The following PPP3CA variants were observed in gnomAD, a reference collection of about 807,000 sequenced individuals.
PPP3CA encodes protein phosphatase 3 catalytic subunit alpha, also known as CAM-PRP catalytic subunit.
PPP3CA carries 14 observed loss-of-function variants against 66.5 expected under a neutral mutation model. The observed-to-expected ratio is 0.21, with a 90% CI of 0.14 to 0.33. PPP3CA has a LOEUF of 0.33. Among genes scored for constraint, PPP3CA ranks in the 10% least tolerant of loss-of-function variants. PPP3CA has a pLI of 1.00. For synonymous variants in PPP3CA, 232 were observed against 226.2 expected (o/e 1.03, Z -0.23); for missense variants, 317 against 639.5 (o/e 0.50, Z 5.44).
intron 1 of PPP3CA, among the ~76,000 whole-genome samples, chr4:101,325,134 G>A (rs1729171656): frequency 6.6e-6 from 1 of 152,180 alleles, no homozygotes; most frequent in South Asian, 2.1e-4. Flanking sequence ...ATTGTTCAGG[G>A]ACAGTGCTGG....
rs374198372 is a variant in PPP3CA at position 101,040,580 on chromosome 4, C to T, written c.1157-14G>A. 3.1e-6 allele frequency: 5 copies of T among 1,602,774 alleles called. No individual in the cohort carries two copies. The African/African-American group carries it at 5.4e-5, about 17-fold the overall frequency. ...CAGCTGTTGCACCTGTATTTTCAAA[C>T]AGAGTTCAGTGGTCAGTAATTTTTT... On this transcript the variant is annotated splice_polypyrimidine_tract_variant and intron_variant, in intron 10 of 13. Transcript: ENST00000394854.
chr4:101,032,898 T>A (rs531739071), intron 11 of PPP3CA, among the ~76,000 whole-genome samples: 2 of 152,222 alleles, frequency 1.3e-5, no homozygotes, highest in East Asian at 1.9e-4. Flanking sequence ...AGATGTTACA[T>A]GAAAAACACA....
intron 2 of PPP3CA, among the ~76,000 whole-genome samples, chr4:101,183,810 CT>C (rs1323700010): frequency 2.6e-5 from 4 of 152,062 alleles, no homozygotes; most frequent in Admixed American, 6.6e-5. Flanking sequence ...TATTGCACTG[CT>C]TTGCTTTTCC....
chr4:101,102,893 G>A (rs998618114), intron 3 of PPP3CA, among the ~76,000 whole-genome samples: 47 of 152,236 alleles, frequency 3.1e-4, no homozygotes, highest in Admixed American at 4.6e-4. Flanking sequence ...AATGAGGTGC[G>A]CTAATCACTT....
chr4:101,289,037 C>A (rs75857936), intron 1 of PPP3CA, among the ~76,000 whole-genome samples: 1 of 149,668 alleles, frequency 6.7e-6, no homozygotes, highest in East Asian at 1.9e-4. Flanking sequence ...TCTTACTTAC[C>A]GGTTTCAATT....
intron 1 of PPP3CA, among the ~76,000 whole-genome samples, chr4:101,232,121 C>T (rs1725981374): frequency 1.3e-5 from 2 of 151,688 alleles, no homozygotes; most frequent in African/African-American, 2.4e-5. Flanking sequence ...TTTAAAATAA[C>T]ATCAGCCTTT....
chr4:101,235,431 TCACACACACA>T (rs57851713), intron 1 of PPP3CA, among the ~76,000 whole-genome samples: 1 of 148,266 alleles, frequency 6.7e-6, no homozygotes, highest in East Asian at 2.0e-4. Flanking sequence ...AAACATACAC[TCACACACACA>T]CACACACACA....
chr4:101,181,713 C>T (rs1177263302), intron 2 of PPP3CA, among the ~76,000 whole-genome samples: 1 of 152,014 alleles, frequency 6.6e-6, no homozygotes, highest in African/African-American at 2.4e-5. Context: ...AAGTATCTTA[C>T]AATTCTATGA....
At chr4:101,260,496 T>C (rs1450718891) in intron 1 of PPP3CA, among the ~76,000 whole-genome samples, 2 of 152,156 alleles carry the variant, frequency 1.3e-5, no homozygotes, top group Non-Finnish European at 2.9e-5. Context: ...CTAGTCCATA[T>C]GGAAATACCC....
At chr4:101,221,441 G>A (rs1325373547) in intron 1 of PPP3CA, among the ~76,000 whole-genome samples, 2 of 114,236 alleles carry the variant, frequency 1.8e-5, no homozygotes, top group Non-Finnish European at 4.0e-5. Context: ...TTAAAAGTTT[G>A]TTTAAAATAA....
At chr4:101,342,288 GTTGATTATTCTAATTGATGGCATT>G (rs1729842391) in intron 1 of PPP3CA, among the ~76,000 whole-genome samples, 1 of 152,090 alleles carries the variant, frequency 6.6e-6, no homozygotes, top group Non-Finnish European at 1.5e-5. Context: ...TCTTCAAAAT[GTTGATTATTCTAATTGATGGCATT>G]TTAGAATCAC....
At chr4:101,027,239 T>A (rs1726696450) in intron 13 of PPP3CA, among the ~76,000 whole-genome samples, 1 of 149,068 alleles carries the variant, frequency 6.7e-6, no homozygotes, top group Non-Finnish European at 1.5e-5. Flanking sequence ...GGTACCTTTA[T>A]CCTCCCAACC....
chr4:101,272,321 T>C (rs1727361138), intron 1 of PPP3CA, among the ~76,000 whole-genome samples: 1 of 152,190 alleles, frequency 6.6e-6, no homozygotes, highest in East Asian at 1.9e-4. Flanking sequence ...CTTAGAATTA[T>C]AAATAATTAT....
At chr4:101,097,742 G>C (rs1730262528) in intron 5 of PPP3CA, among the ~76,000 whole-genome samples, 1 of 152,088 alleles carries the variant, frequency 6.6e-6, no homozygotes, top group Non-Finnish European at 1.5e-5. Context: ...TCAAGAAAGA[G>C]ACACAATCCA....
intron 2 of PPP3CA, among the ~76,000 whole-genome samples, chr4:101,134,178 C>T (rs944047335): frequency 4.0e-5 from 6 of 149,114 alleles, no homozygotes; most frequent in Non-Finnish European, 6.1e-5. Context: ...TTCAGGACGT[C>T]GGCAAAGACT....
rs1346105060 is a variant in PPP3CA at position 101,286,462 on chromosome 4, C to T, written c.58+60277G>A. Among the ~76,000 whole-genome samples, 3 of 152,148 alleles carry T rather than the reference C, an allele frequency of 2.0e-5. No homozygotes were observed. The East Asian group carries it at 5.8e-4, about 29-fold the overall frequency. ...AAATTATTTAGGTCATAAAGTTTTG[C>T]ACCTGGAAATATCTACTTCACTGAA... is the stretch of plus-strand genomic sequence containing the variant. On this transcript the variant is annotated intron_variant, in intron 1 of 13. Coordinates refer to ENST00000394854, the MANE Select transcript of PPP3CA (RefSeq NM_000944.5).
intron 2 of PPP3CA, among the ~76,000 whole-genome samples, chr4:101,173,644 A>T (rs1287775073): frequency 1.3e-5 from 2 of 152,164 alleles, no homozygotes; most frequent in African/African-American, 4.8e-5. Flanking sequence ...TTTAGCAAAG[A>T]TGTCTTCCAT....
At position 101,102,262 on chromosome 4, in the gene PPP3CA, A is replaced by G. The variant is rs565411562; in HGVS notation, c.385-2540T>C. Among the ~76,000 whole-genome samples the G allele has an allele frequency of 5.4e-5, 8 of 148,640 alleles. No homozygotes were observed. The East Asian group carries it at 1.3e-3, about 23-fold the overall frequency. On this transcript the variant is annotated intron_variant, in intron 3 of 13. Transcript: ENST00000394854. ...AGGGAGGCAGAGAAAGGAAGGAAGG[A>G]AGGAAGGGAGGGAGGAAGGGAGGGA... is the stretch of plus-strand genomic sequence containing the variant.
intron 8 of PPP3CA, among the ~76,000 whole-genome samples, chr4:101,076,134 C>T (rs893557113): frequency 2.6e-5 from 4 of 152,080 alleles, no homozygotes; most frequent in Admixed American, 2.0e-4. Flanking sequence ...TTTAGGTCTA[C>T]AGATTCACAG....
Sources: gnomAD v4.1 joint callset for allele counts (sites outside exome capture counted in the v4.1 genomes callset) on GRCh38, gnomAD v4.1.1 for gene constraint, MANE v1.5 for transcripts, NCBI Gene and HGNC (gene_info 2026-07-23, HGNC 2026-07-21) for gene names.